The following TXN2 variants were observed in gnomAD, a reference collection of about 807,000 sequenced individuals.
TXN2 encodes the protein thioredoxin 2, also known as thioredoxin, mitochondrial.
A neutral mutation model predicts 14.6 loss-of-function variants in TXN2; 12 were observed. That is an observed-to-expected ratio of 0.82 (90% CI 0.53 to 1.33). TXN2 has a LOEUF of 1.33. TXN2 is among the 40% of genes most tolerant of loss of function. The pLI, the probability that TXN2 is intolerant of heterozygous loss-of-function variation, is 0.00. For synonymous variants in TXN2, 89 were observed against 81.0 expected (o/e 1.10, Z -0.53); for missense variants, 173 against 207.7 (o/e 0.83, Z 1.03).
chr22:36,478,132 CAAAA>C (rs778032940), intron 2 of TXN2, among the ~76,000 whole-genome samples: 3 of 67,690 alleles, frequency 4.4e-5, no homozygotes, highest in Admixed American at 1.8e-4. Flanking sequence ...GACTCTGTCT[CAAAA>C]AAAAAAAAAA....
chr22:36,469,863 G>A (rs1376875793), intron 3 of TXN2, among the ~76,000 whole-genome samples: 1 of 152,154 alleles, frequency 6.6e-6, no homozygotes, highest in Non-Finnish European at 1.5e-5. Flanking sequence ...GGCTGAGGCA[G>A]GAGAATCGCT....
At chr22:36,468,063 T>A (rs971319814) in intron 3 of TXN2, 146 bp from the exon 4 acceptor site, 19 of 684,864 alleles carry the variant, frequency 2.8e-5, no homozygotes, top group Middle Eastern at 2.9e-4. Context: ...AACATGGCTC[T>A]TCTCTCGGTG....
At chr22:36,473,869 C>T (rs1041760067) in intron 3 of TXN2, among the ~76,000 whole-genome samples, 5 of 152,348 alleles carry the variant, frequency 3.3e-5, no homozygotes, top group Admixed American at 6.5e-5. Flanking sequence ...TCGGCATTCC[C>T]GCCACCCCAC....
rs1933180617 is a variant in TXN2, at chr22:36,467,340, A to T, written c.*464T>A. ...CTTTATCACAGACCTACAAAAAATGAGATAATTAGATATTACTCTCACTAG... is the reference window on the plus strand; with the variant it reads ...CTTTATCACAGACCTACAAAAAATGTGATAATTAGATATTACTCTCACTAG... On this transcript the variant is annotated 3_prime_UTR_variant, in exon 4 of 4. Coordinates refer to ENST00000216185, the MANE Select transcript of TXN2 (RefSeq NM_012473.4). 1 of 165,060 alleles carries T rather than the reference A, an allele frequency of 6.1e-6. No homozygotes were observed. The highest frequency in any genetic ancestry group is 2.4e-5 in the African/African-American group (1 of 41,674). The allele number at this position is 165,060 out of a possible 1,614,324, so 10.2% of individuals were successfully genotyped here. A position where few individuals can be genotyped will look rare whatever the true frequency, so the allele number is the denominator to read the frequency against.
chr22:36,480,788 C>A lies in TXN2; in HGVS notation c.50G>T (p.Arg17Met). The A allele has an allele frequency of 6.2e-7, 1 of 1,610,562 alleles. No individual in the cohort carries two copies. The highest frequency in any genetic ancestry group is 2.2e-5 in the East Asian group (1 of 44,810). The change falls in exon 2 of 4, where the codon AGG becomes ATG. Residue 17 changes from arginine (R) to methionine (M), a missense_variant. By Grantham distance (91) the Arg-to-Met change is moderately conservative (BLOSUM62 -1). Coordinates refer to ENST00000216185, the MANE Select transcript of TXN2 (RefSeq NM_012473.4). The part of the protein sequence containing the change: ...LRRFLASVIS[R>M]KPSQGQWPPL... The stretch of plus-strand genomic sequence containing the variant: ...TGGCCACTGACCCTGAGAGGGCTTC[C>A]TGGAGATGACAGAGGCCAGGAACCT...
intron 2 of TXN2, among the ~76,000 whole-genome samples, chr22:36,478,033 A>G (rs767030869): frequency 6.7e-6 from 1 of 149,618 alleles, no homozygotes; most frequent in Non-Finnish European, 1.5e-5. Context: ...GCTTCTAGGA[A>G]GGCTGAGGCA....
intron 3 of TXN2, chr22:36,468,590 G>A: frequency 2.5e-6 from 1 of 394,936 alleles, no homozygotes; most frequent in Middle Eastern, 5.6e-4. Flanking sequence ...AGCCAGGCAT[G>A]GTGGTACATG....
Position 36,480,620 on chromosome 22 carries a change from C to A in TXN2, c.218G>T (p.Arg73Leu). 1 of 1,614,116 alleles carries A rather than the reference C, an allele frequency of 6.2e-7. No homozygotes were observed. Among genetic ancestry groups the A allele is most frequent in the African/African-American group, 1.3e-5 (1 of 75,040 alleles). The change falls in exon 2 of 4, where the codon CGA (arginine) becomes CTA (leucine). Residue 73 changes from arginine (R) to leucine (L), a missense_variant. Coordinates refer to ENST00000216185, the MANE Select transcript of TXN2 (RefSeq NM_012473.4). ...CACTGGTGTCTCACTGTTGACCACT[C>A]GGTCTTGAAAGTCAGGTCCATCCTG... ...NIQDGPDFQD[R>L]VVNSETPVVV...
At chr22:36,479,736 C>A (rs1169364705) in intron 2 of TXN2, among the ~76,000 whole-genome samples, 1 of 152,098 alleles carries the variant, frequency 6.6e-6, no homozygotes, top group Non-Finnish European at 1.5e-5. Context: ...TAGCCAGGCC[C>A]CAAAGATCTA....
chr22:36,478,793 C>G (rs554267515), intron 2 of TXN2, among the ~76,000 whole-genome samples: 1 of 151,590 alleles, frequency 6.6e-6, no homozygotes, highest in Admixed American at 6.6e-5. Context: ...ATGGTGAAAC[C>G]CCGTCTCTAC....
At chr22:36,480,532 G>C (rs1435055554) in intron 2 of TXN2, 43 bp downstream of exon 2, 1 of 1,590,772 alleles carries the variant, frequency 6.3e-7, no homozygotes, top group African/African-American at 1.3e-5. Flanking sequence ...ATAAATACTT[G>C]AACAAGTAGG....
chr22:36,468,589 T>C lies in TXN2; in HGVS notation c.388-672A>G, dbSNP rs1207977153. 9 of 393,482 alleles carry C rather than the reference T, an allele frequency of 2.3e-5. No individual in the cohort carries two copies. In the East Asian group the frequency reaches 7.8e-4, roughly 34 times the overall value. 24.4% of individuals were successfully genotyped at this position (393,482 alleles called of 1,614,324 possible). ...ACCCCCCCAAAATATTAGCCAGGCA[T>C]GGTGGTACATGCCTGTACTCCCATA... On this transcript the variant is annotated intron_variant, in intron 3 of 3. Coordinates refer to ENST00000216185, the MANE Select transcript of TXN2 (RefSeq NM_012473.4).
intron 2 of TXN2, 77 bp downstream of exon 2, chr22:36,480,498 G>A (rs1208943973): frequency 5.2e-6 from 8 of 1,552,670 alleles, no homozygotes; most frequent in Non-Finnish European, 7.0e-6. Flanking sequence ...ATAGAACATG[G>A]CCGTGGGACA....
At position 36,467,927 on chromosome 22, in the gene TXN2, G is replaced by T; in HGVS notation, c.388-10C>A. ...TGGGCACCGCTGACACCTGGGTGGA[G>T]AGGACAAGGGGGTCCAAGTGAATTG... On this transcript the variant is annotated splice_polypyrimidine_tract_variant and intron_variant, in intron 3 of 3. Transcript: ENST00000216185. 1 of 1,610,932 alleles carries T rather than the reference G, an allele frequency of 6.2e-7. No individual in the cohort carries two copies. The highest frequency in any genetic ancestry group is 8.5e-7 in the Non-Finnish European group (1 of 1,177,110).
rs752577388 is a variant in TXN2, at chr22:36,476,767, A to G, written c.353T>C (p.Ile118Thr). ...HGKVVMAKVDIDDHTDLAIEY... is the reference protein window; with the variant it reads ...HGKVVMAKVDTDDHTDLAIEY... ...AATGGCGAGGTCTGTGTGGTCATCAATATCCACCTTGGCCATCACCACCTT... is the reference window on the plus strand; with the variant it reads ...AATGGCGAGGTCTGTGTGGTCATCAGTATCCACCTTGGCCATCACCACCTT... Residue 118 changes from isoleucine (I) to threonine (T), a missense_variant, in exon 3 of 4, where the codon ATT becomes ACT. Coordinates refer to ENST00000216185, the MANE Select transcript of TXN2 (RefSeq NM_012473.4). 2 of 1,614,138 alleles carry G rather than the reference A, an allele frequency of 1.2e-6. No individual in the cohort carries two copies. The highest frequency in any genetic ancestry group is 2.2e-5 in the East Asian group (1 of 44,882).
At chr22:36,480,469 G>T in intron 2 of TXN2, 106 bp downstream of exon 2, 1 of 1,437,926 alleles carries the variant, frequency 7.0e-7, no homozygotes, top group Non-Finnish European at 9.4e-7. Context: ...TCTGTATATT[G>T]AGTCTACATA....
intron 3 of TXN2, among the ~76,000 whole-genome samples, chr22:36,472,432 T>C (rs1253137862): frequency 6.6e-6 from 1 of 152,134 alleles, no homozygotes; most frequent in Non-Finnish European, 1.5e-5. Flanking sequence ...TGTAAACTTT[T>C]GGCTTTGGGG....
rs73169631 is a variant in TXN2 at position 36,467,658 on chromosome 22, C to T, written c.*146G>A. 8,152 of 694,956 alleles carry T rather than the reference C, an allele frequency of 0.012. 111 individuals are homozygous for T. Among genetic ancestry groups the T allele is most frequent in the East Asian group, 0.05 (1,839 of 36,630 alleles). The allele number at this position is 694,956 out of a possible 1,614,324, so 43.0% of individuals were successfully genotyped here. ...ATGGCCCCTGGGCAGTCCGCCAGCT[C>T]GGAAGCACTCAGGGCTGGAGCCTGG... is the stretch of plus-strand genomic sequence containing the variant. On this transcript the variant is annotated 3_prime_UTR_variant, in exon 4 of 4. Coordinates refer to ENST00000216185, the MANE Select transcript of TXN2 (RefSeq NM_012473.4).
At chr22:36,472,347 T>C (rs1933297142) in intron 3 of TXN2, among the ~76,000 whole-genome samples, 3 of 152,050 alleles carry the variant, frequency 2.0e-5, no homozygotes, top group African/African-American at 7.2e-5. Context: ...CTCTGGATGA[T>C]GCTAGAATGT....
Sources: gnomAD v4.1 joint callset for allele counts (sites outside exome capture counted in the v4.1 genomes callset) on GRCh38, gnomAD v4.1.1 for gene constraint, MANE v1.5 for transcripts, NCBI Gene and HGNC (gene_info 2026-07-23, HGNC 2026-07-21) for gene names.